The following CHST5 variants were observed in gnomAD, a reference collection of about 807,000 sequenced individuals.
CHST5 encodes GST4-alpha.
For synonymous variants in CHST5, 313 were observed against 279.2 expected, an observed-to-expected ratio of 1.12 and a Z score of -1.21; for missense variants, 637 against 602.1, an observed-to-expected ratio of 1.06 and a Z score of -0.61.
Position 75,529,771 on chromosome 16 carries a change from A to G in CHST5, c.614T>C (p.Val205Ala). The G allele has an allele frequency of 6.2e-7, 1 of 1,613,616 alleles. No homozygotes were observed. The highest frequency in any genetic ancestry group is 8.5e-7 in the Non-Finnish European group (1 of 1,179,882). ...GGGGTCGCTGAGCAGCGGGTAGAGC[A>G]CCTGCAGGTTGAAGAAGCGCACCTC... ...LKEVRFFNLQ[V>A]LYPLLSDPAL... The change falls in exon 4 of 4, where the codon GTG becomes GCG. Residue 205 changes from valine (V) to alanine (A), a missense_variant. Coordinates refer to ENST00000336257, the MANE Select transcript of CHST5 (RefSeq NM_024533.5).
At position 75,529,207 on chromosome 16, in the gene CHST5, G is replaced by A. The variant is rs780760968; in HGVS notation, c.1178C>T (p.Thr393Ile). Residue 393 changes from threonine to isoleucine, a missense_variant, in exon 4 of 4, where the codon ACC (threonine) becomes ATC (isoleucine). Thr to Ile is a moderately conservative substitution (Grantham distance 89). Transcript: ENST00000336257. ...GCCTCGTGGCAGCACCAGATCCAGG[G>A]TGAGGTCACGCTGCTGGTCCGCAGA... The part of the protein sequence containing the change: ...VYSADQQRDL[T>I]LDLVLPRGPD... 2 of 1,610,988 alleles carry A rather than the reference G, an allele frequency of 1.2e-6. No individual in the cohort carries two copies. The highest frequency in any genetic ancestry group is 1.7e-6 in the Non-Finnish European group (2 of 1,178,506).
Position 75,530,231 on chromosome 16 carries a change from C to G in CHST5, c.154G>C (p.Gly52Arg), listed in dbSNP as rs774388140. Residue 52 changes from glycine (G) to arginine (R), a missense_variant, in exon 4 of 4, where the codon GGG becomes CGG. Coordinates refer to ENST00000336257, the MANE Select transcript of CHST5 (RefSeq NM_024533.5). ...TCGCCGCCGGCTGGGGATGAGGGCC[C>G]TGGCCGGGAGATGATGAAGAGCAGG... ...CLLLFIISRP[G>R]PSSPAGGEDR... is the part of the protein sequence containing the mutation. The G allele has an allele frequency of 6.2e-7, 1 of 1,613,642 alleles. No homozygotes were observed. The highest frequency in any genetic ancestry group is 1.1e-5 in the South Asian group (1 of 91,078).
Position 75,530,744 on chromosome 16 carries a change from G to A in CHST5, c.-360C>T. 1.0e-5 allele frequency: 11 copies of A among 1,061,508 alleles called. No individual in the cohort carries two copies. The highest frequency in any genetic ancestry group is 1.3e-5 in the Non-Finnish European group (11 of 868,418). 65.8% of individuals were successfully genotyped at this position (1,061,508 alleles called of 1,614,324 possible). On this transcript the variant is annotated 5_prime_UTR_variant, in exon 4 of 4. Coordinates refer to ENST00000336257, the MANE Select transcript of CHST5 (RefSeq NM_024533.5). Reference sequence around the variant, plus strand: ...AAAAGGGCTTGATGGGGGCTTCGGTGGATGTCAGAGCACCACCAGGCTCGC... The same window carrying A: ...AAAAGGGCTTGATGGGGGCTTCGGTAGATGTCAGAGCACCACCAGGCTCGC...
rs960252313 is a variant in CHST5, at chr16:75,531,193, G to A, written c.-809C>T. On this transcript the variant is annotated 5_prime_UTR_variant, in exon 4 of 4. Transcript: ENST00000336257. ...AAAAATTAGCCAGGCGTGATGGTGGGCGCCTGTAGTCCCAGCTACTCGGGA... is the reference window on the plus strand; with the variant it reads ...AAAAATTAGCCAGGCGTGATGGTGGACGCCTGTAGTCCCAGCTACTCGGGA... 9.5e-6 allele frequency: 5 copies of A among 524,440 alleles called. No homozygotes were observed. The highest frequency in any genetic ancestry group is 1.5e-4 in the South Asian group (2 of 13,364). The allele number at this position is 524,440 out of a possible 1,614,324, so 32.5% of individuals were successfully genotyped here. A position where few individuals can be genotyped will look rare whatever the true frequency, so the allele number is the denominator to read the frequency against.
At position 75,531,461 on chromosome 16, in the gene CHST5, G is replaced by T. The variant is rs1328449928; in HGVS notation, c.-1077C>A. The T allele has an allele frequency of 8.0e-7, 1 of 1,257,534 alleles. No homozygotes were observed. The allele number at this position is 1,257,534 out of a possible 1,614,324, so 77.9% of individuals were successfully genotyped here. Reference sequence around the variant, plus strand: ...AGGCAGCATGGGCTCCAGAAGGAGGGTGTCCTGGAGCCCTGTGGGTTTGCA... The same window carrying T: ...AGGCAGCATGGGCTCCAGAAGGAGGTTGTCCTGGAGCCCTGTGGGTTTGCA... On this transcript the variant is annotated 5_prime_UTR_variant, in exon 4 of 4. Transcript: ENST00000336257.
At chr16:75,534,509 T>C (rs2080547489) in intron 2 of CHST5, among the ~76,000 whole-genome samples, 1 of 152,066 alleles carries the variant, frequency 6.6e-6, no homozygotes. Flanking sequence ...CTGGGTGTGG[T>C]GGCGGGCGTC....
Position 75,529,605 on chromosome 16 carries a change from G to A in CHST5, c.780C>T (p.His260=), listed in dbSNP as rs1199688088. 1 of 1,610,852 alleles carries A rather than the reference G, an allele frequency of 6.2e-7. No homozygotes were observed. Among genetic ancestry groups the A allele is most frequent in the Non-Finnish European group, 8.5e-7 (1 of 1,179,026 alleles). Residue 260 remains histidine, a synonymous_variant, in exon 4 of 4, where the codon CAC becomes CAT. Transcript: ENST00000336257. ...GGCACACCTCGCGAATCAGGCGCAGGTGAGGGTCGGCCTCCACCCACTTGC... is the reference window on the plus strand; with the variant it reads ...GGCACACCTCGCGAATCAGGCGCAGATGAGGGTCGGCCTCCACCCACTTGC... ...TNGKWVEADP[H]LRLIREVCRS...
chr16:75,530,244 G>A lies in CHST5; in HGVS notation c.141C>T (p.Ile47=). 6.2e-7 allele frequency: 1 copy of A among 1,613,638 alleles called. No homozygotes were observed. The highest frequency in any genetic ancestry group is 8.5e-7 in the Non-Finnish European group (1 of 1,179,964). The change falls in exon 4 of 4, where the codon ATC becomes ATT. Residue 47 remains isoleucine, a synonymous_variant. Coordinates refer to ENST00000336257, the MANE Select transcript of CHST5 (RefSeq NM_024533.5). ...GGGATGAGGGCCCTGGCCGGGAGAT[G>A]ATGAAGAGCAGGAGGCAGGTGGTCT... ...LAQTTCLLLF[I]ISRPGPSSPA... is the part of the protein sequence containing the mutation.
intron 2 of CHST5, 21 bp downstream of exon 2, chr16:75,535,106 G>C (rs1217692449): frequency 1.3e-5 from 2 of 152,458 alleles, no homozygotes; most frequent in Non-Finnish European, 2.9e-5. Flanking sequence ...ACCTCCGGTG[G>C]AGAATGAAGA....
At chr16:75,532,970 G>A (rs2080535802) in intron 3 of CHST5, 119 bp downstream of exon 3, 1 of 564,372 alleles carries the variant, frequency 1.8e-6, no homozygotes, top group Admixed American at 3.1e-5. Context: ...TCTCCCACCT[G>A]TGATTGCCCC....
chr16:75,529,012 A>T lies in CHST5; in HGVS notation c.*137T>A. The stretch of plus-strand genomic sequence containing the variant: ...AGAAAGAAACGTGCAGTCCTTGCCT[A>T]CTTCAGGGGAGGACCCCAAACTCCC... On this transcript the variant is annotated 3_prime_UTR_variant, in exon 4 of 4. Coordinates refer to ENST00000336257, the MANE Select transcript of CHST5 (RefSeq NM_024533.5). The T allele has an allele frequency of 1.1e-6, 1 of 879,884 alleles. No individual in the cohort carries two copies. Among genetic ancestry groups the T allele is most frequent in the Non-Finnish European group, 1.7e-6 (1 of 594,374 alleles). The allele number at this position is 879,884 out of a possible 1,614,324, so 54.5% of individuals were successfully genotyped here.
chr16:75,534,161 C>T (rs1410554307), intron 2 of CHST5, among the ~76,000 whole-genome samples: 1 of 151,714 alleles, frequency 6.6e-6, no homozygotes, highest in African/African-American at 2.4e-5. Context: ...CCAGCCTGGC[C>T]AACATGGTGA....
rs75713722 is a variant in CHST5, at chr16:75,535,763, G to A, written c.-1635+281C>T. 3.7e-4 allele frequency among the ~76,000 whole-genome samples: 56 copies of A among 152,326 alleles called. 1 individual carries two copies. Among genetic ancestry groups the A allele is most frequent in the African/African-American group, 1.3e-3 (55 of 41,580 alleles). On this transcript the variant is annotated intron_variant, in intron 1 of 3. Coordinates refer to ENST00000336257, the MANE Select transcript of CHST5 (RefSeq NM_024533.5). ...AGGGCAGAGCAGGAGGGCCCAGGTG[G>A]GCTGGGGCTCTAAGAGGCGCACCTT...
chr16:75,534,577 G>T (rs1320563531), intron 2 of CHST5, among the ~76,000 whole-genome samples: 1 of 152,214 alleles, frequency 6.6e-6, no homozygotes, highest in African/African-American at 2.4e-5. Flanking sequence ...CAGGAGACAG[G>T]TTGCAGTGAG....
intron 3 of CHST5, 31 bp from the exon 4 acceptor site, chr16:75,531,671 G>A: frequency 7.7e-7 from 1 of 1,298,182 alleles, no homozygotes; most frequent in Non-Finnish European, 1.0e-6. Context: ...GGAGATCAGA[G>A]CCCTACAGAG....
In CHST5 at chr16:75,532,675, C is replaced by T. The variant is rs141878130; in HGVS notation, c.-1257+414G>A. The stretch of plus-strand genomic sequence containing the variant: ...GATGAGGAGAGTAGCCCCCCACCTC[C>T]GCTACAAGTGCAACTGTACTTTTTC... On this transcript the variant is annotated intron_variant, in intron 3 of 3. Coordinates refer to ENST00000336257, the MANE Select transcript of CHST5 (RefSeq NM_024533.5). Among the ~76,000 whole-genome samples, 92 of 152,334 alleles carry T rather than the reference C, an allele frequency of 6.0e-4. 1 individual carries two copies. The East Asian group carries it at 0.016, about 27-fold the overall frequency.
At chr16:75,535,964 G>C (rs1445232172) in intron 1 of CHST5, among the ~76,000 whole-genome samples, 80 bp downstream of exon 1, 1 of 152,188 alleles carries the variant, frequency 6.6e-6, no homozygotes, top group Non-Finnish European at 1.5e-5. Flanking sequence ...CGCTCTTGGG[G>C]GCATCCTTGC....
rs1304104967 is a variant in CHST5, at chr16:75,529,287, G to A, written c.1098C>T (p.Arg366=). 1.2e-6 allele frequency: 2 copies of A among 1,613,182 alleles called. No individual in the cohort carries two copies. The highest frequency in any genetic ancestry group is 1.1e-5 in the South Asian group (1 of 91,060). Residue 366 remains arginine (R), a synonymous_variant, in exon 4 of 4, where the codon CGC becomes CGT. Transcript: ENST00000336257. ...RHALPFTKIL[R]VQEVCAGALQ... Reference sequence around the variant, plus strand: ...GCGCGCCGGCGCACACCTCCTGCACGCGCAGGATCTTAGTGAAGGGCAACG... The same window carrying A: ...GCGCGCCGGCGCACACCTCCTGCACACGCAGGATCTTAGTGAAGGGCAACG...
chr16:75,534,373 G>A (rs1031345683), intron 2 of CHST5, among the ~76,000 whole-genome samples: 1 of 152,002 alleles, frequency 6.6e-6, no homozygotes, highest in Non-Finnish European at 1.5e-5. Flanking sequence ...TGGGCCCAGT[G>A]CCATGGCTCA....
Sources: gnomAD v4.1 joint callset for allele counts (sites outside exome capture counted in the v4.1 genomes callset) on GRCh38, gnomAD v4.1.1 for gene constraint, MANE v1.5 for transcripts, NCBI Gene and HGNC (gene_info 2026-07-23, HGNC 2026-07-21) for gene names.